Variants in GRIN2A observed in about 807,000 individuals in gnomAD.
GRIN2A encodes the protein glutamate receptor ionotropic, NMDA 2A.
Under a neutral mutation model 113.4 loss-of-function variants are expected in GRIN2A, and 22 were observed. The ratio of observed to expected loss-of-function variants is 0.19; its 90% CI spans 0.14 to 0.28. The LOEUF is 0.28. GRIN2A is among the 10% of genes least tolerant of loss of function. The pLI, the probability that GRIN2A is intolerant of heterozygous loss-of-function variation, is 1.00. For synonymous variants in GRIN2A, 827 were observed against 738.4 expected, an observed-to-expected ratio of 1.12 and a Z score of -1.94; for missense variants, 1,502 against 1,887.0, an observed-to-expected ratio of 0.80 and a Z score of 3.78.
chr16:10,018,147 G>T (rs1322870175), intron 2 of GRIN2A, among the ~76,000 whole-genome samples: 1 of 152,154 alleles, frequency 6.6e-6, no homozygotes, highest in South Asian at 2.1e-4. Context: ...TTTTTAAAGA[G>T]ATGAGTTATT....
At chr16:10,167,635 A>G (rs2142346172) in intron 2 of GRIN2A, among the ~76,000 whole-genome samples, 1 of 152,350 alleles carries the variant, frequency 6.6e-6, no homozygotes, top group African/African-American at 2.4e-5. Flanking sequence ...GAGTTCGAAG[A>G]TCTACGATGC....
At chr16:9,817,370 T>G (rs2042204958) in intron 10 of GRIN2A, among the ~76,000 whole-genome samples, 1 of 152,174 alleles carries the variant, frequency 6.6e-6, no homozygotes, top group African/African-American at 2.4e-5. Flanking sequence ...GAGAAAGCCT[T>G]GTCCTGGGCC....
chr16:9,851,796 G>A (rs1025264890), intron 4 of GRIN2A, among the ~76,000 whole-genome samples: 1 of 152,186 alleles, frequency 6.6e-6, no homozygotes, highest in Non-Finnish European at 1.5e-5. Context: ...AAAATGAAGA[G>A]AGCAACAGGG....
intron 11 of GRIN2A, among the ~76,000 whole-genome samples, chr16:9,782,064 A>C (rs2141184643): frequency 6.6e-6 from 1 of 152,334 alleles, no homozygotes; most frequent in Admixed American, 6.5e-5. Flanking sequence ...TACATAAATT[A>C]AAAACAATTA....
intron 2 of GRIN2A, among the ~76,000 whole-genome samples, chr16:10,120,106 C>T (rs11074591): frequency 0.84 from 128,341 of 152,212 alleles, 54,923 homozygotes; most frequent in East Asian, 0.92. Flanking sequence ...CATAATGAGA[C>T]TGCTGGGTTG....
chr16:10,074,430 A>T (rs1428291520), intron 2 of GRIN2A, among the ~76,000 whole-genome samples: 1 of 152,264 alleles, frequency 6.6e-6, no homozygotes, highest in Non-Finnish European at 1.5e-5. Flanking sequence ...ACTTGTATGT[A>T]AGTGTTCATA....
intron 11 of GRIN2A, among the ~76,000 whole-genome samples, chr16:9,785,104 A>T (rs1156450704): frequency 1.3e-5 from 2 of 152,160 alleles, no homozygotes; most frequent in African/African-American, 4.8e-5. Flanking sequence ...TACCCAAAGG[A>T]TTATAAATCA....
intron 11 of GRIN2A, 74 bp from the exon 12 acceptor site, chr16:9,769,163 A>G: frequency 8.6e-7 from 1 of 1,168,144 alleles, no homozygotes; most frequent in South Asian, 1.2e-5. Flanking sequence ...CTGGGTTTGG[A>G]ACAGACGATG....
At chr16:9,795,770 A>T (rs1902945774) in intron 11 of GRIN2A, among the ~76,000 whole-genome samples, 1 of 152,260 alleles carries the variant, frequency 6.6e-6, no homozygotes, top group Non-Finnish European at 1.5e-5. Flanking sequence ...AGGCTAAAAA[A>T]GATCACTTCT....
intron 3 of GRIN2A, among the ~76,000 whole-genome samples, chr16:9,924,768 T>C (rs2044424241): frequency 6.6e-6 from 1 of 152,248 alleles, no homozygotes; most frequent in South Asian, 2.1e-4. Context: ...TCAAGTTCAC[T>C]GATTTTTTTC....
intron 2 of GRIN2A, among the ~76,000 whole-genome samples, chr16:10,169,312 G>T (rs1170077811): frequency 6.6e-6 from 1 of 152,108 alleles, no homozygotes; most frequent in South Asian, 2.1e-4. Flanking sequence ...AGTGTTGCTG[G>T]AGACATCACC....
intron 2 of GRIN2A, among the ~76,000 whole-genome samples, chr16:10,107,195 G>C (rs2048516624): frequency 6.6e-6 from 1 of 152,194 alleles, no homozygotes; most frequent in South Asian, 2.1e-4. Flanking sequence ...TTCTGTATTT[G>C]GAAGAGCTAA....
rs559740541 is a variant in GRIN2A, at chr16:9,823,487, T to C, written c.2008-1063A>G. ...GAGAAAGCATTCAAAAATAAAGCTATGATTACCGTCTGTTATTATCATTAT... is the reference window on the plus strand; with the variant it reads ...GAGAAAGCATTCAAAAATAAAGCTACGATTACCGTCTGTTATTATCATTAT... On this transcript the variant is annotated intron_variant, in intron 9 of 12. Transcript: ENST00000330684. 2.6e-5 allele frequency among the ~76,000 whole-genome samples: 4 copies of C among 152,306 alleles called. No individual in the cohort carries two copies. The East Asian group carries it at 7.7e-4, about 29-fold the overall frequency.
At chr16:9,838,615 G>T (rs2042621891) in intron 7 of GRIN2A, among the ~76,000 whole-genome samples, 1 of 152,062 alleles carries the variant, frequency 6.6e-6, no homozygotes, top group Non-Finnish European at 1.5e-5. Context: ...AAAGGTTTAT[G>T]GGCTGATTTA....
At chr16:9,964,880 G>A (rs1017885116) in intron 2 of GRIN2A, among the ~76,000 whole-genome samples, 1 of 152,142 alleles carries the variant, frequency 6.6e-6, no homozygotes, top group African/African-American at 2.4e-5. Context: ...ACATCTTAGG[G>A]AAGCCATTAT....
chr16:9,932,680 G>A (rs1241074158), intron 3 of GRIN2A, among the ~76,000 whole-genome samples: 2 of 152,036 alleles, frequency 1.3e-5, no homozygotes, highest in Non-Finnish European at 1.5e-5. Flanking sequence ...ACCACGCCCG[G>A]CCTAATAACT....
intron 11 of GRIN2A, among the ~76,000 whole-genome samples, chr16:9,772,970 A>G (rs550675834): frequency 2.6e-5 from 4 of 151,306 alleles, no homozygotes; most frequent in South Asian, 2.1e-4. Flanking sequence ...CTCATTACCA[A>G]TTACAGCCTG....
At chr16:9,937,653 A>C (rs2044742633) in intron 3 of GRIN2A, 2 of 396,466 alleles carry the variant, frequency 5.0e-6, no homozygotes, top group Admixed American at 8.2e-5. Flanking sequence ...GAGTTACAAA[A>C]AATATAGATA....
At position 9,917,910 on chromosome 16, in the gene GRIN2A, T is replaced by C. The variant is rs138040135; in HGVS notation, c.1007+20049A>G. On this transcript the variant is annotated intron_variant, in intron 3 of 12. Transcript: ENST00000330684. ...TTTTATTCTCAAAAGCCCCAGGGAG[T>C]TGGAATAATGAAACATACTTAATTA... 1.3e-4 allele frequency among the ~76,000 whole-genome samples: 20 copies of C among 152,258 alleles called. No homozygotes were observed. The East Asian group carries it at 3.9e-3, about 29-fold the overall frequency.
Sources: allele counts gnomAD v4.1 joint callset (sites outside exome capture counted in the v4.1 genomes callset), GRCh38; gene constraint gnomAD v4.1.1; transcripts MANE v1.5; gene names NCBI Gene and HGNC (gene_info 2026-07-23, HGNC 2026-07-21).